The following CDH13 variants were observed in gnomAD, a reference collection of about 807,000 sequenced individuals.
CDH13 encodes cadherin 13.
In CDH13, 24 loss-of-function variants were observed where a neutral mutation model predicts 63.8. That is an observed-to-expected ratio of 0.38 (90% confidence interval 0.27 to 0.53). The LOEUF (loss-of-function observed/expected upper bound fraction) is 0.53. Ranked by LOEUF, CDH13 falls within the 20% of genes least tolerant of loss-of-function variation. The pLI is 0.85. For missense variants in CDH13, 1,049 were observed against 903.1 expected (o/e 1.16, Z -2.07); for synonymous variants, 503 against 355.3 (o/e 1.42, Z -4.67).
chr16:82,877,989 T>A (rs1474619150), intron 2 of CDH13, among the ~76,000 whole-genome samples: 1 of 151,614 alleles, frequency 6.6e-6, no homozygotes, highest in Non-Finnish European at 1.5e-5. Context: ...TCTATATATG[T>A]ATATATATTC....
intron 6 of CDH13, among the ~76,000 whole-genome samples, chr16:83,480,643 T>TAAG (rs1252597640): frequency 1.3e-5 from 2 of 152,136 alleles, no homozygotes; most frequent in Admixed American, 1.3e-4. Flanking sequence ...AAGAGACGTG[T>TAAG]CTACACCTGA....
chr16:83,144,598 G>C (rs2036667244), intron 4 of CDH13, among the ~76,000 whole-genome samples: 1 of 152,204 alleles, frequency 6.6e-6, no homozygotes, highest in African/African-American at 2.4e-5. Context: ...ATTCCTGGAG[G>C]TGTGATGATT....
In CDH13 at chr16:83,625,351, G is replaced by T. The variant is rs1001602245; in HGVS notation, c.1101+22757G>T. ...ATTGGTTCCTGTGTTCCAAAGCTCCGCATGTACCCTGTTTAAAGGACGGTC... is the reference window on the plus strand; with the variant it reads ...ATTGGTTCCTGTGTTCCAAAGCTCCTCATGTACCCTGTTTAAAGGACGGTC... On this transcript the variant is annotated intron_variant, in intron 8 of 13. Coordinates refer to ENST00000567109, the MANE Select transcript of CDH13 (RefSeq NM_001257.5). Among the ~76,000 whole-genome samples the T allele has an allele frequency of 3.3e-5, 5 of 152,206 alleles. No individual in the cohort carries two copies. The South Asian group carries it at 8.3e-4, about 25-fold the overall frequency.
intron 5 of CDH13, among the ~76,000 whole-genome samples, chr16:83,232,917 C>T (rs1249810401): frequency 6.6e-6 from 1 of 152,174 alleles, no homozygotes; most frequent in Non-Finnish European, 1.5e-5. Flanking sequence ...TTCCCCTTTT[C>T]TGGGTATTTC....
intron 5 of CDH13, among the ~76,000 whole-genome samples, chr16:83,235,471 G>C (rs2040116469): frequency 6.6e-6 from 1 of 152,108 alleles, no homozygotes; most frequent in South Asian, 2.1e-4. Flanking sequence ...GGCATGTCAG[G>C]GCTCTGCCTA....
intron 1 of CDH13, among the ~76,000 whole-genome samples, chr16:82,779,853 C>T (rs1250287792): frequency 1.5e-5 from 2 of 137,494 alleles, no homozygotes; most frequent in Non-Finnish European, 3.3e-5. Flanking sequence ...GGTCATGGCT[C>T]TCATAGTATT....
chr16:82,837,299 T>C (rs2038808751), intron 1 of CDH13, among the ~76,000 whole-genome samples: 1 of 152,176 alleles, frequency 6.6e-6, no homozygotes, highest in Admixed American at 6.5e-5. Flanking sequence ...CCTCAGAGGC[T>C]TGTGGTGAGG....
rs148574873 is a variant in CDH13 at position 83,530,492 on chromosome 16, C to T, written c.960+43837C>T. ...TTTCCTGAGAGCACTGTGGCTCTGTCCTTGAGGACAGATTTGGCCTGTGTT... is the reference window on the plus strand; with the variant it reads ...TTTCCTGAGAGCACTGTGGCTCTGTTCTTGAGGACAGATTTGGCCTGTGTT... On this transcript the variant is annotated intron_variant, in intron 7 of 13. Coordinates refer to ENST00000567109, the MANE Select transcript of CDH13 (RefSeq NM_001257.5). 7.1e-3 allele frequency among the ~76,000 whole-genome samples: 1,078 copies of T among 152,288 alleles called. 12 individuals are homozygous for T. Among genetic ancestry groups the T allele is most frequent in the African/African-American group, 0.024 (999 of 41,548 alleles).
At chr16:83,259,047 G>T (rs926126451) in intron 5 of CDH13, among the ~76,000 whole-genome samples, 1 of 152,176 alleles carries the variant, frequency 6.6e-6, no homozygotes, top group African/African-American at 2.4e-5. Flanking sequence ...TAAACTTCTT[G>T]CTGGGAAGGG....
intron 1 of CDH13, among the ~76,000 whole-genome samples, chr16:82,704,580 C>T (rs1476725295): frequency 2.6e-5 from 4 of 152,108 alleles, no homozygotes; most frequent in African/African-American, 4.8e-5. Flanking sequence ...AAGGTGGGTG[C>T]TGTGAAGAAG....
rs569752831 is a variant in CDH13 at position 82,653,966 on chromosome 16, T to C, written c.45+26829T>C. ...AGACTTGCTAATTAACTGTACGGGG[T>C]TACAGGGAGGGACAGGGAGAAATCA... On this transcript the variant is annotated intron_variant, in intron 1 of 13. Coordinates refer to ENST00000567109, the MANE Select transcript of CDH13 (RefSeq NM_001257.5). Among the ~76,000 whole-genome samples the C allele has an allele frequency of 2.6e-5, 4 of 151,808 alleles. No individual in the cohort carries two copies. The South Asian group carries it at 8.4e-4, about 32-fold the overall frequency.
chr16:83,500,101 C>A (rs1000702081), intron 7 of CDH13, among the ~76,000 whole-genome samples: 5 of 151,732 alleles, frequency 3.3e-5, no homozygotes, highest in African/African-American at 1.2e-4. Context: ...CTGCACCCGG[C>A]CCAATTCTGT....
Position 82,966,426 on chromosome 16 carries a change from C to T in CDH13, c.158-65584C>T, listed in dbSNP as rs544210380. Among the ~76,000 whole-genome samples, 348 of 152,266 alleles carry T rather than the reference C, an allele frequency of 2.3e-3. 3 individuals are homozygous for T. The highest frequency in any genetic ancestry group is 0.017 in the Middle Eastern group (5 of 294). On this transcript the variant is annotated intron_variant, in intron 2 of 13. Coordinates refer to ENST00000567109, the MANE Select transcript of CDH13 (RefSeq NM_001257.5). ...CCTCCCAAAGTGTTGGGATTACAGG[C>T]GTGAGCCAGCGCGCCTGGCCTATTT...
intron 7 of CDH13, among the ~76,000 whole-genome samples, chr16:83,551,017 C>T (rs1363929992): frequency 2.0e-5 from 3 of 151,786 alleles, no homozygotes; most frequent in Admixed American, 6.6e-5. Flanking sequence ...ATGAGTAAGC[C>T]TACCCCCATC....
intron 1 of CDH13, among the ~76,000 whole-genome samples, chr16:82,699,101 G>C (rs1024603659): frequency 7.9e-5 from 12 of 152,286 alleles, no homozygotes; most frequent in African/African-American, 2.6e-4. Context: ...GTTGGCAAAA[G>C]ACATTTTGAT....
intron 6 of CDH13, among the ~76,000 whole-genome samples, chr16:83,456,678 G>A (rs552916039): frequency 6.7e-6 from 1 of 149,372 alleles, no homozygotes; most frequent in South Asian, 2.1e-4. Flanking sequence ...AGATACCCTA[G>A]GGGGCTGGGC....
intron 7 of CDH13, among the ~76,000 whole-genome samples, chr16:83,566,495 G>A (rs894463929): frequency 3.5e-5 from 5 of 144,882 alleles, no homozygotes; most frequent in African/African-American, 4.9e-5. Flanking sequence ...GGCTCTCAAA[G>A]GCAGAGCCCC....
intron 1 of CDH13, among the ~76,000 whole-genome samples, chr16:82,821,834 G>A (rs2038016092): frequency 6.6e-6 from 1 of 152,206 alleles, no homozygotes; most frequent in African/African-American, 2.4e-5. Flanking sequence ...AAAGAAAATG[G>A]TTTCAGGAGG....
intron 11 of CDH13, among the ~76,000 whole-genome samples, chr16:83,773,324 C>G (rs576113698): frequency 6.6e-6 from 1 of 152,278 alleles, no homozygotes; most frequent in South Asian, 2.1e-4. Context: ...TGTATAGCTA[C>G]TACTCGATAC....
Sources: gnomAD v4.1 joint callset for allele counts (sites outside exome capture counted in the v4.1 genomes callset) on GRCh38, gnomAD v4.1.1 for gene constraint, MANE v1.5 for transcripts, NCBI Gene and HGNC (gene_info 2026-07-23, HGNC 2026-07-21) for gene names.